TMEM156: variants seen among roughly 807,000 people sequenced by gnomAD.
The protein encoded by TMEM156 is transmembrane protein 156.
Under a neutral mutation model 30.5 loss-of-function variants are expected in TMEM156, and 28 were observed. The observed-to-expected ratio is 0.92, with a 90% CI of 0.68 to 1.26. The LOEUF (loss-of-function observed/expected upper bound fraction) is 1.26, where lower values mean the gene tolerates loss of function less well. Among genes scored for constraint, TMEM156 ranks in the 50% most tolerant of loss-of-function variants. The probability of loss-of-function intolerance (pLI) is 0.00; values close to 1 mark genes in which losing one functional copy is unlikely to be tolerated. For missense variants in TMEM156, 351 were observed against 340.6 expected (o/e 1.03, Z -0.24); for synonymous variants, 137 against 119.9 (o/e 1.14, Z -0.93).
rs1251978587 is a variant in TMEM156 at position 38,988,828 on chromosome 4, G to A, written c.739+23C>T. 6.2e-6 allele frequency: 10 copies of A among 1,613,066 alleles called. No individual in the cohort carries two copies. The East Asian group carries it at 1.3e-4, about 22-fold the overall frequency. The stretch of plus-strand genomic sequence containing the variant: ...CCATAGAAGAGATCAGGAGTTCCTC[G>A]GCACTACAGGGATTATACTTACTCT... On this transcript the variant is annotated intron_variant, in intron 4 of 6. Transcript: ENST00000381938.
At position 38,992,771 on chromosome 4, in the gene TMEM156, TG is replaced by T. The variant is rs1221670269; in HGVS notation, c.619+966del. Among the ~76,000 whole-genome samples the T allele has an allele frequency of 6.2e-3, 640 of 103,434 alleles. 4 individuals are homozygous for T. Among genetic ancestry groups the T allele is most frequent in the East Asian group, 0.021 (45 of 2,158 alleles). 67.9% of individuals were successfully genotyped at this position (103,434 alleles called of 152,430 possible). A position where few individuals can be genotyped will look rare whatever the true frequency, so the allele number is the denominator to read the frequency against. ...TATTATATATATATATATTTTTTTT[TG>T]TCTTTTCAAGACAGAGTCTCACTCT... On this transcript the variant is annotated intron_variant, in intron 3 of 6. Transcript: ENST00000381938.
Position 38,971,041 on chromosome 4 carries a change from T to G in TMEM156, c.*29A>C. The G allele has an allele frequency of 2.5e-6, 4 of 1,597,860 alleles. No individual in the cohort carries two copies. Among genetic ancestry groups the G allele is most frequent in the Non-Finnish European group, 3.4e-6 (4 of 1,165,644 alleles). The stretch of plus-strand genomic sequence containing the variant: ...CCGAATCATCACTCACCGTGTATAT[T>G]GATCTCACTGATGCACTGTGGAAGT... On this transcript the variant is annotated 3_prime_UTR_variant, in exon 6 of 7. Coordinates refer to ENST00000381938, the MANE Select transcript of TMEM156 (RefSeq NM_024943.3).
intron 1 of TMEM156, among the ~76,000 whole-genome samples, chr4:39,014,652 G>A (rs916297782): frequency 6.8e-6 from 1 of 147,904 alleles, no homozygotes; most frequent in African/African-American, 2.7e-5. Context: ...CAGCTACTCG[G>A]GAGGCTGAGG....
intron 3 of TMEM156, among the ~76,000 whole-genome samples, chr4:38,990,988 C>T (rs1232872706): frequency 1.3e-5 from 2 of 150,964 alleles, no homozygotes; most frequent in Non-Finnish European, 3.0e-5. Flanking sequence ...CGCATGACAC[C>T]ATGCCCGGCT....
intron 3 of TMEM156, among the ~76,000 whole-genome samples, chr4:38,989,934 C>T (rs554592881): frequency 6.6e-6 from 1 of 152,214 alleles, no homozygotes; most frequent in African/African-American, 2.4e-5. Context: ...GAGGGGATTA[C>T]AGGTGCTCAC....
intron 5 of TMEM156, among the ~76,000 whole-genome samples, chr4:38,971,554 T>A (rs1722595508): frequency 6.6e-6 from 1 of 152,210 alleles, no homozygotes; most frequent in African/African-American, 2.4e-5. Flanking sequence ...ATTAGATGAA[T>A]TCTAATCTGT....
At chr4:38,977,010 A>G (rs1722888008) in intron 5 of TMEM156, among the ~76,000 whole-genome samples, 1 of 152,104 alleles carries the variant, frequency 6.6e-6, no homozygotes, top group African/African-American at 2.4e-5. Context: ...AGTTCAAGCA[A>G]TTCTCCTGCT....
At chr4:39,002,647 A>G (rs949166549) in intron 1 of TMEM156, among the ~76,000 whole-genome samples, 1 of 149,368 alleles carries the variant, frequency 6.7e-6, no homozygotes, top group Non-Finnish European at 1.5e-5. Flanking sequence ...ATGCCCAACA[A>G]TGATAGACTG....
chr4:38,999,824 T>G (rs1379407963), intron 1 of TMEM156, among the ~76,000 whole-genome samples: 1 of 152,178 alleles, frequency 6.6e-6, no homozygotes, highest in Admixed American at 6.5e-5. Context: ...GTGTCTCTGT[T>G]TCTACTAGCC....
intron 1 of TMEM156, among the ~76,000 whole-genome samples, chr4:39,009,527 C>A (rs1283905308): frequency 6.6e-6 from 1 of 152,100 alleles, no homozygotes; most frequent in Non-Finnish European, 1.5e-5. Flanking sequence ...AATCCAACAG[C>A]ATATCAAGCA....
intron 5 of TMEM156, among the ~76,000 whole-genome samples, chr4:38,982,606 G>T (rs886568525): frequency 1.2e-4 from 19 of 152,094 alleles, no homozygotes; most frequent in African/African-American, 4.1e-4. Context: ...TTAATAAGCT[G>T]TTATAGTGCC....
At chr4:38,982,452 T>C (rs988710231) in intron 5 of TMEM156, among the ~76,000 whole-genome samples, 1 of 152,268 alleles carries the variant, frequency 6.6e-6, no homozygotes, top group African/African-American at 2.4e-5. Flanking sequence ...AAGCGTACTA[T>C]GCCTTCTTTA....
At chr4:39,016,969 G>A (rs747848746) in intron 1 of TMEM156, among the ~76,000 whole-genome samples, 44 of 152,162 alleles carry the variant, frequency 2.9e-4, no homozygotes, top group African/African-American at 1.0e-3. Context: ...GCAGGCAAGC[G>A]AACTTGTGCA....
At chr4:38,974,061 G>A (rs1250744878) in intron 5 of TMEM156, among the ~76,000 whole-genome samples, 2 of 11,724 alleles carry the variant, frequency 1.7e-4, no homozygotes, top group Admixed American at 8.8e-4. Flanking sequence ...AGGAGTGCGT[G>A]TGTGTGTGTG....
chr4:38,976,911 G>GTTGTTGTTC (rs1722883238), intron 5 of TMEM156, among the ~76,000 whole-genome samples: 1 of 142,870 alleles, frequency 7.0e-6, no homozygotes, highest in South Asian at 2.2e-4. Context: ...TGTTGTTGTT[G>GTTGTTGTTC]TTGTTCTTGT....
chr4:38,988,333 T>A (rs1387971355), intron 4 of TMEM156, among the ~76,000 whole-genome samples: 1 of 152,172 alleles, frequency 6.6e-6, no homozygotes, highest in Non-Finnish European at 1.5e-5. Context: ...AAGTGATTCT[T>A]GTGCCTCAGC....
chr4:38,971,969 A>G (rs1450863057), intron 5 of TMEM156, among the ~76,000 whole-genome samples: 3 of 151,634 alleles, frequency 2.0e-5, no homozygotes, highest in Admixed American at 6.6e-5. Context: ...TTGTATTTTT[A>G]CTAGAGACGG....
intron 1 of TMEM156, among the ~76,000 whole-genome samples, chr4:39,027,626 G>A (rs1233905083): frequency 3.5e-5 from 5 of 143,480 alleles, no homozygotes; most frequent in Non-Finnish European, 7.5e-5. Context: ...GGTGATCTCA[G>A]CTCACTGCAA....
At chr4:39,017,094 G>A (rs1714539636) in intron 1 of TMEM156, among the ~76,000 whole-genome samples, 1 of 151,176 alleles carries the variant, frequency 6.6e-6, no homozygotes, top group Admixed American at 6.6e-5. Context: ...TCCCACCCTT[G>A]ACAAGTGGGA....
Sources: gnomAD v4.1 joint callset for allele counts (sites outside exome capture counted in the v4.1 genomes callset) on GRCh38, gnomAD v4.1.1 for gene constraint, MANE v1.5 for transcripts, NCBI Gene and HGNC (gene_info 2026-07-23, HGNC 2026-07-21) for gene names.